Variants in PCCA observed in about 807,000 individuals in gnomAD.
The protein encoded by PCCA is propionyl-CoA carboxylase alpha chain, mitochondrial.
PCCA carries 74 observed loss-of-function variants against 101.3 expected under a neutral mutation model. The observed-to-expected ratio is 0.73, with a 90% CI of 0.61 to 0.89. The LOEUF is 0.89. Ranked by LOEUF, PCCA falls within the 40% of genes least tolerant of loss-of-function variation. The probability of loss-of-function intolerance (pLI) is 0.00; values close to 1 mark genes in which losing one functional copy is unlikely to be tolerated. For synonymous variants in PCCA, 294 were observed against 313.6 expected, an observed-to-expected ratio of 0.94 and a Z score of 0.66; for missense variants, 891 against 907.0, an observed-to-expected ratio of 0.98 and a Z score of 0.23.
rs957899209 is a variant in PCCA at position 100,214,485 on chromosome 13, T to C, written c.600+5022T>C. ...CTGTTGCCAGGCTGGAGTGCAGTGG[T>C]GCAATCTCGGCTCACTGCAACCTCT... On this transcript the variant is annotated intron_variant, in intron 7 of 23. Transcript: ENST00000376285. Among the ~76,000 whole-genome samples the C allele has an allele frequency of 1.1e-4, 16 of 151,772 alleles. 1 individual carries two copies. The highest frequency in any genetic ancestry group is 9.2e-4 in the Admixed American group (14 of 15,216).
intron 19 of PCCA, among the ~76,000 whole-genome samples, chr13:100,403,133 G>T (rs1389059377): frequency 4.6e-5 from 7 of 152,168 alleles, no homozygotes; most frequent in Admixed American, 3.3e-4. Context: ...GTTGGAGATG[G>T]GGCTTTGGGA....
At chr13:100,377,268 G>A (rs2075976300) in intron 19 of PCCA, among the ~76,000 whole-genome samples, 1 of 152,170 alleles carries the variant, frequency 6.6e-6, no homozygotes, top group African/African-American at 2.4e-5. Flanking sequence ...CATCTTGCCA[G>A]CCACTTGAGA....
intron 21 of PCCA, among the ~76,000 whole-genome samples, chr13:100,484,708 A>G (rs1277240469): frequency 6.6e-6 from 1 of 152,244 alleles, no homozygotes; most frequent in Non-Finnish European, 1.5e-5. Flanking sequence ...GAAGAAACTA[A>G]TGGAGCTCTG....
intron 18 of PCCA, among the ~76,000 whole-genome samples, chr13:100,358,075 G>C (rs962939455): frequency 6.6e-6 from 1 of 152,174 alleles, no homozygotes; most frequent in Non-Finnish European, 1.5e-5. Flanking sequence ...TAAACACCTT[G>C]AGCTTTCCAT....
chr13:100,509,050 C>G (rs1173840435), intron 21 of PCCA, among the ~76,000 whole-genome samples: 2 of 152,188 alleles, frequency 1.3e-5, no homozygotes, highest in African/African-American at 4.8e-5. Flanking sequence ...GGACTTTCCC[C>G]TCCCAAGTTT....
chr13:100,260,086 C>T (rs1336754765), intron 9 of PCCA, among the ~76,000 whole-genome samples: 1 of 152,012 alleles, frequency 6.6e-6, no homozygotes, highest in Non-Finnish European at 1.5e-5. Context: ...CTGTAAAGTG[C>T]TATATTTTTT....
intron 19 of PCCA, among the ~76,000 whole-genome samples, chr13:100,373,197 C>G (rs190872899): frequency 4.0e-4 from 61 of 152,310 alleles, no homozygotes; most frequent in African/African-American, 1.4e-3. Flanking sequence ...CTCAATATCA[C>G]TAATCATTAG....
chr13:100,121,560 C>A (rs186415560), intron 4 of PCCA, among the ~76,000 whole-genome samples: 89 of 151,676 alleles, frequency 5.9e-4, no homozygotes, highest in Non-Finnish European at 1.3e-3. Flanking sequence ...CTGTAACCTC[C>A]GCCTCCCAGG....
intron 20 of PCCA, among the ~76,000 whole-genome samples, chr13:100,436,193 C>T (rs890969591): frequency 1.8e-4 from 27 of 152,324 alleles, no homozygotes; most frequent in African/African-American, 5.8e-4. Context: ...ACTTTATACT[C>T]ACCTCATGTA....
intron 12 of PCCA, among the ~76,000 whole-genome samples, chr13:100,283,935 C>G (rs1014705346): frequency 2.6e-5 from 4 of 152,196 alleles, no homozygotes; most frequent in Non-Finnish European, 5.9e-5. Context: ...GACGAAGATT[C>G]CCTGGGTCAG....
chr13:100,197,554 C>T (rs181210744), intron 6 of PCCA, among the ~76,000 whole-genome samples: 165 of 152,208 alleles, frequency 1.1e-3, no homozygotes, highest in African/African-American at 3.9e-3. Context: ...AATAGATTCT[C>T]CTGCCTCAGC....
At chr13:100,248,810 G>C (rs1308997421) in intron 8 of PCCA, among the ~76,000 whole-genome samples, 1 of 151,890 alleles carries the variant, frequency 6.6e-6, no homozygotes, top group Non-Finnish European at 1.5e-5. Context: ...GCAGTGGCGC[G>C]AGCTTGGCTC....
At chr13:100,326,342 C>T (rs2068680889) in intron 16 of PCCA, among the ~76,000 whole-genome samples, 1 of 152,066 alleles carries the variant, frequency 6.6e-6, no homozygotes, top group African/African-American at 2.4e-5. Flanking sequence ...GAATTGGTGC[C>T]AGAGGATGAA....
intron 21 of PCCA, among the ~76,000 whole-genome samples, chr13:100,455,009 G>A (rs972877408): frequency 1.3e-5 from 2 of 152,068 alleles, no homozygotes; most frequent in Admixed American, 1.3e-4. Context: ...TTGAACAAAA[G>A]ACTAAAGACA....
intron 6 of PCCA, among the ~76,000 whole-genome samples, chr13:100,201,721 G>C (rs751188453): frequency 6.6e-6 from 1 of 151,894 alleles, no homozygotes; most frequent in Non-Finnish European, 1.5e-5. Context: ...GCTGGGCGTG[G>C]TGGTGCATGC....
At chr13:100,155,778 A>G (rs2053822368) in intron 5 of PCCA, among the ~76,000 whole-genome samples, 2 of 152,242 alleles carry the variant, frequency 1.3e-5, no homozygotes, top group South Asian at 2.1e-4. Flanking sequence ...AACACCAGCA[A>G]TTAAGCCTGG....
chr13:100,307,968 C>T (rs928369959), intron 15 of PCCA, among the ~76,000 whole-genome samples: 2 of 152,170 alleles, frequency 1.3e-5, no homozygotes, highest in African/African-American at 4.8e-5. Context: ...AAGCGATTCT[C>T]CTGCCTCAGC....
At chr13:100,353,834 T>A (rs574650099) in intron 18 of PCCA, among the ~76,000 whole-genome samples, 1 of 152,058 alleles carries the variant, frequency 6.6e-6, no homozygotes, top group East Asian at 1.9e-4. Context: ...GTGCCTATAG[T>A]CCTTGCTACT....
intron 20 of PCCA, among the ~76,000 whole-genome samples, chr13:100,444,168 C>T (rs1391861124): frequency 6.6e-6 from 1 of 151,320 alleles, no homozygotes; most frequent in East Asian, 1.9e-4. Context: ...ATCCCTTAAT[C>T]TGAAATTTTT....
Sources: gnomAD v4.1 joint callset for allele counts (sites outside exome capture counted in the v4.1 genomes callset) on GRCh38, gnomAD v4.1.1 for gene constraint, MANE v1.5 for transcripts, NCBI Gene and HGNC (gene_info 2026-07-23, HGNC 2026-07-21) for gene names.